MARCHF3: variants seen among roughly 807,000 people sequenced by gnomAD.
MARCHF3 encodes membrane associated ring-CH-type finger 3, also known as E3 ubiquitin-protein ligase MARCHF3.
In MARCHF3, 13 loss-of-function variants were observed where a neutral mutation model predicts 24.2. That is an observed-to-expected ratio of 0.54 (90% CI 0.35 to 0.85). MARCHF3 has a LOEUF of 0.85. Ranked by LOEUF, MARCHF3 falls within the 40% of genes least tolerant of loss-of-function variation. MARCHF3 has a pLI of 0.01. For synonymous variants in MARCHF3, 144 were observed against 137.3 expected (o/e 1.05, Z -0.34); for missense variants, 276 against 325.0 (o/e 0.85, Z 1.16).
intron 1 of MARCHF3, among the ~76,000 whole-genome samples, chr5:126,944,414 A>G (rs1273124535): frequency 6.6e-6 from 1 of 152,104 alleles, no homozygotes; most frequent in Non-Finnish European, 1.5e-5. Flanking sequence ...CCTGAGCAAC[A>G]TGGCAAAAAA....
At chr5:126,923,647 G>A (rs1299634914) in intron 1 of MARCHF3, among the ~76,000 whole-genome samples, 4 of 152,158 alleles carry the variant, frequency 2.6e-5, no homozygotes, top group Non-Finnish European at 5.9e-5. Context: ...CCAAAGTAAT[G>A]AGTTTAGTAA....
At position 126,871,840 on chromosome 5, in the gene MARCHF3, G is replaced by A. The variant is rs547420452; in HGVS notation, c.604-1049C>T. On this transcript the variant is annotated intron_variant, in intron 4 of 4. Coordinates refer to ENST00000308660, the MANE Select transcript of MARCHF3 (RefSeq NM_178450.5). ...TTGTGCCTCAGCCTCCTGAGAAGCC[G>A]GGATTACAGGCATACGCCACCATGC... Among the ~76,000 whole-genome samples, 7 of 151,736 alleles carry A rather than the reference G, an allele frequency of 4.6e-5. No individual in the cohort carries two copies. In the East Asian group the frequency reaches 5.9e-4, roughly 13 times the overall value.
chr5:126,910,991 T>C (rs1046296269), intron 3 of MARCHF3, among the ~76,000 whole-genome samples: 3 of 152,192 alleles, frequency 2.0e-5, no homozygotes, highest in African/African-American at 7.2e-5. Flanking sequence ...CCGTCTTTTA[T>C]GGTCGAAGCT....
At chr5:126,895,259 C>A (rs1264790962) in intron 3 of MARCHF3, among the ~76,000 whole-genome samples, 1 of 152,108 alleles carries the variant, frequency 6.6e-6, no homozygotes, top group Non-Finnish European at 1.5e-5. Flanking sequence ...GTTTGAATGT[C>A]CTCCTGTAGC....
chr5:126,968,641 T>C (rs762964472), intron 1 of MARCHF3, among the ~76,000 whole-genome samples: 1 of 152,206 alleles, frequency 6.6e-6, no homozygotes, highest in Non-Finnish European at 1.5e-5. Flanking sequence ...AGTGGTGGGT[T>C]CTTGGCTCAC....
intron 3 of MARCHF3, among the ~76,000 whole-genome samples, chr5:126,904,727 T>C (rs1438793354): frequency 1.3e-5 from 2 of 151,350 alleles, no homozygotes; most frequent in Non-Finnish European, 2.9e-5. Flanking sequence ...CTTTGTCAGA[T>C]GAGTAGGTTG....
At chr5:127,003,045 C>T (rs145015179) in intron 1 of MARCHF3, among the ~76,000 whole-genome samples, 1 of 151,750 alleles carries the variant, frequency 6.6e-6, no homozygotes, top group East Asian at 1.9e-4. Flanking sequence ...GAGATTCTGT[C>T]ATTTATCTCA....
At chr5:126,909,989 G>C (rs1217032538) in intron 3 of MARCHF3, among the ~76,000 whole-genome samples, 1 of 152,158 alleles carries the variant, frequency 6.6e-6, no homozygotes. Flanking sequence ...CTAAACCTCT[G>C]ACTCACAGGG....
chr5:126,990,888 G>T (rs566606370), intron 1 of MARCHF3, among the ~76,000 whole-genome samples: 17 of 152,094 alleles, frequency 1.1e-4, no homozygotes, highest in Non-Finnish European at 1.9e-4. Flanking sequence ...CATTAAAAAG[G>T]CAGAAAACAA....
intron 2 of MARCHF3, among the ~76,000 whole-genome samples, chr5:126,916,866 T>G (rs1205348028): frequency 2.6e-5 from 4 of 152,206 alleles, no homozygotes. Context: ...AGATAGTCAC[T>G]GCCTCATCCT....
At chr5:126,871,801 G>A (rs1031614872) in intron 4 of MARCHF3, among the ~76,000 whole-genome samples, 1 of 152,006 alleles carries the variant, frequency 6.6e-6, no homozygotes, top group Non-Finnish European at 1.5e-5. Flanking sequence ...CTGCCTCACG[G>A]GTTCAAGCGA....
chr5:127,016,166 T>C (rs915217243), intron 1 of MARCHF3, among the ~76,000 whole-genome samples: 2 of 152,164 alleles, frequency 1.3e-5, no homozygotes, highest in Admixed American at 6.6e-5. Context: ...AAAAACATAG[T>C]ACATATAGCT....
intron 3 of MARCHF3, among the ~76,000 whole-genome samples, chr5:126,896,015 G>A (rs559264356): frequency 2.6e-5 from 4 of 152,246 alleles, no homozygotes; most frequent in African/African-American, 4.8e-5. Flanking sequence ...AATCTGGTGC[G>A]CCGTTTTTTA....
intron 3 of MARCHF3, among the ~76,000 whole-genome samples, chr5:126,903,493 T>G (rs921483841): frequency 6.6e-6 from 1 of 152,072 alleles, no homozygotes; most frequent in South Asian, 2.1e-4. Flanking sequence ...TAAATCTTCT[T>G]GAATCACTTT....
chr5:126,985,840 T>G (rs1751548265), intron 1 of MARCHF3, among the ~76,000 whole-genome samples: 1 of 152,166 alleles, frequency 6.6e-6, no homozygotes, highest in Non-Finnish European at 1.5e-5. Flanking sequence ...TTGTTTTTGA[T>G]TCTTAAATAC....
intron 1 of MARCHF3, among the ~76,000 whole-genome samples, chr5:126,965,730 T>C (rs1750785145): frequency 6.6e-6 from 1 of 152,160 alleles, no homozygotes; most frequent in African/African-American, 2.4e-5. Flanking sequence ...ATTTTCTCTC[T>C]ACCAATTTGT....
intron 1 of MARCHF3, among the ~76,000 whole-genome samples, chr5:126,971,007 C>A (rs906375334): frequency 6.6e-6 from 1 of 152,082 alleles, no homozygotes; most frequent in South Asian, 2.1e-4. Context: ...GATAAGTAGA[C>A]AATTTATTGT....
intron 3 of MARCHF3, among the ~76,000 whole-genome samples, chr5:126,890,675 T>C (rs1228342785): frequency 1.3e-5 from 2 of 151,208 alleles, no homozygotes; most frequent in East Asian, 1.9e-4. Context: ...ATTTTCTTAA[T>C]CCAGTCTATC....
rs187495443 is a variant in MARCHF3 at position 126,870,021 on chromosome 5, A to C, written c.*612T>G. On this transcript the variant is annotated 3_prime_UTR_variant, in exon 5 of 5. Transcript: ENST00000308660. The stretch of plus-strand genomic sequence containing the variant: ...TGAGCTCACGCCCTTTTTCCCTTTA[A>C]AAACTGAATAATTAAATGAAGTTTA... 9.2e-5 allele frequency: 14 copies of C among 152,632 alleles called. No homozygotes were observed. In the East Asian group the frequency reaches 2.7e-3, roughly 29 times the overall value. 9.5% of individuals were successfully genotyped at this position (152,632 alleles called of 1,614,324 possible).
Sources: allele counts gnomAD v4.1 joint callset (sites outside exome capture counted in the v4.1 genomes callset), GRCh38; gene constraint gnomAD v4.1.1; transcripts MANE v1.5; gene names NCBI Gene and HGNC (gene_info 2026-07-23, HGNC 2026-07-21).